Variants in SF3A2 observed in about 807,000 individuals in gnomAD.
SF3A2 encodes splicing factor 3a subunit 2, also known as SAP 62.
In SF3A2, 5 loss-of-function variants were observed where a neutral mutation model predicts 31.1. The ratio of observed to expected loss-of-function variants is 0.16; its 90% CI spans 0.08 to 0.34. The LOEUF (loss-of-function observed/expected upper bound fraction) is 0.34, where lower values mean the gene tolerates loss of function less well. Among genes scored for constraint, SF3A2 ranks in the 10% least tolerant of loss-of-function variants. SF3A2 has a pLI of 1.00. For synonymous variants in SF3A2, 365 were observed against 263.7 expected (o/e 1.38, Z -3.72); for missense variants, 577 against 643.9 (o/e 0.90, Z 1.13).
In SF3A2 at chr19:2,241,644, A is replaced by G. The variant is rs1436638667; in HGVS notation, c.-37-1738A>G. Among the ~76,000 whole-genome samples the G allele has an allele frequency of 3.3e-5, 5 of 152,108 alleles. 1 individual carries two copies. In the South Asian group the frequency reaches 8.3e-4, roughly 25 times the overall value. ...TGCAGCTGACGGCGCCAGCATGGAG[A>G]GGGTGCAGTTCTCCCTGGTCCTGAA... On this transcript the variant is annotated intron_variant, in intron 1 of 8. Coordinates refer to ENST00000221494, the MANE Select transcript of SF3A2 (RefSeq NM_007165.5).
Position 2,243,411 on chromosome 19 carries a change from C to T in SF3A2, c.-8C>T. On this transcript the variant is annotated 5_prime_UTR_variant, in exon 2 of 9. Coordinates refer to ENST00000221494, the MANE Select transcript of SF3A2 (RefSeq NM_007165.5). ...CTCCCAGTCTGCTAAAGCCCTAAGG[C>T]CATCACCATGGACTTCCAGCATCGC... The T allele has an allele frequency of 6.5e-7, 1 of 1,537,076 alleles. No individual in the cohort carries two copies. The highest frequency in any genetic ancestry group is 8.7e-7 in the Non-Finnish European group (1 of 1,148,620).
Position 2,245,832 on chromosome 19 carries a change from T to G in SF3A2, c.355+277T>G. On this transcript the variant is annotated intron_variant, in intron 5 of 8. Coordinates refer to ENST00000221494, the MANE Select transcript of SF3A2 (RefSeq NM_007165.5). The surrounding 1 kb of genome is among the most constrained non-coding windows in gnomAD (Gnocchi z 4.2). ...GGGTCTTGTGGAAGCTTCTGGGAAT[T>G]CTTGCCAAGCAAAAGAGTGGAAGTG... The G allele has an allele frequency of 6.2e-6, 3 of 482,884 alleles. 1 individual carries two copies. The highest frequency in any genetic ancestry group is 1.1e-5 in the Non-Finnish European group (3 of 267,318). 29.9% of individuals were successfully genotyped at this position (482,884 alleles called of 1,614,324 possible).
chr19:2,246,662 C>G lies in SF3A2; in HGVS notation c.356-91C>G, dbSNP rs1266573825. On this transcript the variant is annotated intron_variant, in intron 5 of 8. Transcript: ENST00000221494. This position sits in a 1 kb window ranked among gnomAD's most constrained non-coding sequence, Gnocchi z 5.5. ...CTGCAGGGCCTCCCCCGGGGTCCCG[C>G]TCTCGTTCAGTGGGTGGCATTAGCC... 4 of 1,491,152 alleles carry G rather than the reference C, an allele frequency of 2.7e-6. No homozygotes were observed. The Admixed American group carries it at 7.2e-5, about 27-fold the overall frequency. 92.4% of individuals were successfully genotyped at this position (1,491,152 alleles called of 1,614,324 possible). A position where few individuals can be genotyped will look rare whatever the true frequency, so the allele number is the denominator to read the frequency against.
chr19:2,248,153 TGGAGTCCACCCTCCAGCCCCC>T lies in SF3A2; in HGVS notation c.1005_1025del (p.Ala361_Pro367del). 7.5e-7 allele frequency: 1 copy of T among 1,335,314 alleles called. No individual in the cohort carries two copies. The highest frequency in any genetic ancestry group is 1.0e-6 in the Non-Finnish European group (1 of 980,004). The allele number at this position is 1,335,314 out of a possible 1,614,324, so 82.7% of individuals were successfully genotyped here. ...CCTCTGGGGTCCACCCCCCAGCTCC[TGGAGTCCACCCTCCAGCCCCC>T]GGGGTTCACCCACCAGCCCCCGGAG... On this transcript the variant is annotated inframe_deletion, in exon 9 of 9. Coordinates refer to ENST00000221494, the MANE Select transcript of SF3A2 (RefSeq NM_007165.5).
At position 2,245,775 on chromosome 19, in the gene SF3A2, C is replaced by G; in HGVS notation, c.355+220C>G. ...CCCATCTCACCCAGCAGCCCATTTC[C>G]CAGCTGAGCCACAGTCTGTGCCCTC... On this transcript the variant is annotated intron_variant, in intron 5 of 8. Coordinates refer to ENST00000221494, the MANE Select transcript of SF3A2 (RefSeq NM_007165.5). The surrounding 1 kb of genome is among the most constrained non-coding windows in gnomAD (Gnocchi z 4.2). 5 of 578,188 alleles carry G rather than the reference C, an allele frequency of 8.6e-6. No individual in the cohort carries two copies. Among genetic ancestry groups the G allele is most frequent in the Non-Finnish European group, 1.2e-5 (4 of 322,656 alleles). The allele number at this position is 578,188 out of a possible 1,614,324, so 35.8% of individuals were successfully genotyped here.
At position 2,248,239 on chromosome 19, in the gene SF3A2, G is replaced by T; in HGVS notation, c.1088G>T (p.Gly363Val). The change falls in exon 9 of 9, where the codon GGG (glycine) becomes GTG (valine). Residue 363 changes from glycine (G) to valine (V), a missense_variant. Gly to Val is a moderately radical substitution (Grantham distance 109, BLOSUM62 -3). Coordinates refer to ENST00000221494, the MANE Select transcript of SF3A2 (RefSeq NM_007165.5). ...PAPGVHPPAPGVHPPPSAGVH... is the reference protein window; with the variant it reads ...PAPGVHPPAPVVHPPPSAGVH... The stretch of plus-strand genomic sequence containing the variant: ...CCTGGGGTTCACCCACCAGCCCCAG[G>T]GGTCCATCCTCCCCCATCAGCGGGG... 1.4e-6 allele frequency: 2 copies of T among 1,433,092 alleles called. No individual in the cohort carries two copies. The highest frequency in any genetic ancestry group is 1.4e-5 in the South Asian group (1 of 70,620). 88.8% of individuals were successfully genotyped at this position (1,433,092 alleles called of 1,614,324 possible). A position where few individuals can be genotyped will look rare whatever the true frequency, so the allele number is the denominator to read the frequency against.
intron 1 of SF3A2, among the ~76,000 whole-genome samples, chr19:2,241,948 C>A (rs551926691): frequency 3.9e-5 from 6 of 152,186 alleles, no homozygotes; most frequent in Non-Finnish European, 8.8e-5. Context: ...TCACCAGTTA[C>A]CATGCTTGAT....
chr19:2,248,505 G>A lies in SF3A2; in HGVS notation c.1354G>A (p.Glu452Lys), dbSNP rs372706092. The A allele has an allele frequency of 8.8e-6, 10 of 1,133,014 alleles. No homozygotes were observed. Among genetic ancestry groups the A allele is most frequent in the Admixed American group, 4.6e-5 (1 of 21,942 alleles). 70.2% of individuals were successfully genotyped at this position (1,133,014 alleles called of 1,614,324 possible). Residue 452 changes from glutamate (E) to lysine (K), a missense_variant, in exon 9 of 9, where the codon GAA becomes AAA. Glu to Lys is a moderately conservative substitution (Grantham distance 56). This residue lies in a region of SF3A2 where 462 missense variants were observed against 339.1 expected (regional missense o/e 1.36). Transcript: ENST00000221494. Reference protein sequence around the residue: ...PPMLRPPLPSEGPGNIPPPPP... With the variant: ...PPMLRPPLPSKGPGNIPPPPP... ...AATGCTGAGGCCCCCACTTCCCTCC[G>A]AAGGCCCAGGGAACATACCTCCCCC...
At chr19:2,241,344 A>T (rs2024887314) in intron 1 of SF3A2, among the ~76,000 whole-genome samples, 2 of 152,148 alleles carry the variant, frequency 1.3e-5, no homozygotes. Flanking sequence ...AGATGCGTGG[A>T]GGACTGTGGT....
chr19:2,248,546 A>T lies in SF3A2; in HGVS notation c.1395A>T (p.Ter465CysextTer32). Residue 465 changes from the stop codon to cysteine, a stop_lost, in exon 9 of 9, where the codon TGA becomes TGT. Transcript: ENST00000221494. ...TACCTCCCCCTCCCCCAACCAACTG[A>T]GAAGCTGCTCCCTCCCCCAGCAAGC... The part of the protein sequence containing the change: ...GNIPPPPPTN[*>C] 1 of 1,003,998 alleles carries T rather than the reference A, an allele frequency of 1.0e-6. No homozygotes were observed. Among genetic ancestry groups the T allele is most frequent in the Middle Eastern group, 3.6e-4 (1 of 2,790 alleles). The allele number at this position is 1,003,998 out of a possible 1,614,324, so 62.2% of individuals were successfully genotyped here. A position where few individuals can be genotyped will look rare whatever the true frequency, so the allele number is the denominator to read the frequency against.
intron 1 of SF3A2, among the ~76,000 whole-genome samples, chr19:2,241,125 G>C (rs1209467960): frequency 6.6e-6 from 1 of 152,190 alleles, no homozygotes; most frequent in East Asian, 1.9e-4. Context: ...GGACAAGCAG[G>C]GCGTTCGCAT....
rs1300944441 is a variant in SF3A2, at chr19:2,245,027, A to T, written c.245+248A>T. ...TTGTGAAACTCCATCTCTACTAAAA[A>T]TACAAAAATTAGGCCAGGCATGGTG... On this transcript the variant is annotated intron_variant, in intron 4 of 8. Transcript: ENST00000221494. This position sits in a 1 kb window ranked among gnomAD's most constrained non-coding sequence, Gnocchi z 4.2. 1.8e-6 allele frequency: 1 copy of T among 560,050 alleles called. No individual in the cohort carries two copies. Among genetic ancestry groups the T allele is most frequent in the African/African-American group, 1.9e-5 (1 of 53,016 alleles). 34.7% of individuals were successfully genotyped at this position (560,050 alleles called of 1,614,324 possible).
At chr19:2,244,893 C>A in intron 4 of SF3A2, 114 bp downstream of exon 4, 2 of 972,700 alleles carry the variant, frequency 2.1e-6, no homozygotes, top group South Asian at 2.8e-5. Context: ...GCCTGAGCCT[C>A]CCTGGGCGCT....
Position 2,247,764 on chromosome 19 carries a change from T to C in SF3A2, c.616-3T>C. The C allele has an allele frequency of 6.2e-7, 1 of 1,611,870 alleles. No individual in the cohort carries two copies. Among genetic ancestry groups the C allele is most frequent in the Non-Finnish European group, 8.5e-7 (1 of 1,179,382 alleles). On this transcript the variant is annotated splice_region_variant and splice_polypyrimidine_tract_variant and intron_variant, in intron 8 of 8. Coordinates refer to ENST00000221494, the MANE Select transcript of SF3A2 (RefSeq NM_007165.5). ...CCTGCTGAACCTTTCTCCGTCTCTCTAGTTCTTCCTCCAGTTCCACTTTAA... is the reference window on the plus strand; with the variant it reads ...CCTGCTGAACCTTTCTCCGTCTCTCCAGTTCTTCCTCCAGTTCCACTTTAA...
intron 1 of SF3A2, among the ~76,000 whole-genome samples, chr19:2,240,473 C>A (rs1001514788): frequency 6.6e-6 from 1 of 152,122 alleles, no homozygotes; most frequent in Non-Finnish European, 1.5e-5. Context: ...TGTGGGTGTT[C>A]GGTGGCTGCG....
rs764436602 is a variant in SF3A2, at chr19:2,248,180, TCACCCACCAGCCCCCGGAGTC to T, written c.1044_1064del (p.Ala361_Pro367del). 53 of 1,247,592 alleles carry T rather than the reference TCACCCACCAGCCCCCGGAGTC, an allele frequency of 4.2e-5. No homozygotes were observed. The highest frequency in any genetic ancestry group is 1.9e-4 in the East Asian group (7 of 37,014). The allele number at this position is 1,247,592 out of a possible 1,614,324, so 77.3% of individuals were successfully genotyped here. A position where few individuals can be genotyped will look rare whatever the true frequency, so the allele number is the denominator to read the frequency against. ...GAGTCCACCCTCCAGCCCCCGGGGT[TCACCCACCAGCCCCCGGAGTC>T]CACCCACCAGCCCCTGGGGTTCACC... On this transcript the variant is annotated inframe_deletion, in exon 9 of 9. Transcript: ENST00000221494.
chr19:2,238,088 A>G (rs1300268155), intron 1 of SF3A2, among the ~76,000 whole-genome samples: 1 of 152,032 alleles, frequency 6.6e-6, no homozygotes, highest in Admixed American at 6.6e-5. Flanking sequence ...CAGTGGTGCA[A>G]TCACAGCTTA....
Position 2,245,999 on chromosome 19 carries a change from G to A in SF3A2, c.355+444G>A, listed in dbSNP as rs1448626263. 6.6e-6 allele frequency among the ~76,000 whole-genome samples: 1 copy of A among 152,216 alleles called. No homozygotes were observed. The highest frequency in any genetic ancestry group is 1.9e-4 in the East Asian group (1 of 5,200). On this transcript the variant is annotated intron_variant, in intron 5 of 8. Transcript: ENST00000221494. This position sits in a 1 kb window ranked among gnomAD's most constrained non-coding sequence, Gnocchi z 4.2. The stretch of plus-strand genomic sequence containing the variant: ...AGAGGTGACCCCGGTTCAGAAAGCT[G>A]GGGAAGTGACCAGGGTGGAAGATAG...
Position 2,239,135 on chromosome 19 carries a change from C to T in SF3A2, c.-38+2234C>T, listed in dbSNP as rs146858950. ...ATCCCAGCACTTTGGGAGGCTGAGG[C>T]GGGCGGATGACCTGAGTTTGGGAGT... is the stretch of plus-strand genomic sequence containing the variant. On this transcript the variant is annotated intron_variant, in intron 1 of 8. Transcript: ENST00000221494. Among the ~76,000 whole-genome samples the T allele has an allele frequency of 1.4e-3, 218 of 152,282 alleles. 1 individual carries two copies. Among genetic ancestry groups the T allele is most frequent in the African/African-American group, 4.8e-3 (199 of 41,574 alleles).
Sources: allele counts gnomAD v4.1 joint callset (sites outside exome capture counted in the v4.1 genomes callset), GRCh38; gene constraint gnomAD v4.1.1; regional missense constraint gnomAD v4.1.1; non-coding constraint Gnocchi (gnomAD v3.1); transcripts MANE v1.5; gene names NCBI Gene and HGNC (gene_info 2026-07-23, HGNC 2026-07-21).